Variants in GDA observed in about 807,000 individuals in gnomAD.
GDA encodes guanine deaminase.
GDA carries 18 observed loss-of-function variants against 59.6 expected under a neutral mutation model. The ratio of observed to expected loss-of-function variants is 0.30; its 90% CI spans 0.21 to 0.45. GDA has a LOEUF of 0.45. Among genes scored for constraint, GDA ranks in the 20% least tolerant of loss-of-function variants. The pLI is 1.00. For missense variants in GDA, 427 were observed against 552.3 expected, an observed-to-expected ratio of 0.77 and a Z score of 2.27; for synonymous variants, 201 against 201.1, an observed-to-expected ratio of 1.00 and a Z score of 0.00.
chr9:72,238,372 C>G (rs1165698008), intron 10 of GDA, among the ~76,000 whole-genome samples: 1 of 152,128 alleles, frequency 6.6e-6, no homozygotes, highest in East Asian at 1.9e-4. Context: ...AAAATGGGCC[C>G]TTCATCTCCA....
intron 2 of GDA, among the ~76,000 whole-genome samples, chr9:72,197,903 A>G (rs1023320054): frequency 6.6e-6 from 1 of 152,124 alleles, no homozygotes; most frequent in African/African-American, 2.4e-5. Flanking sequence ...AAGGGAAATC[A>G]CAACTGGAGT....
At chr9:72,204,860 C>G (rs1834471877) in intron 3 of GDA, among the ~76,000 whole-genome samples, 1 of 152,068 alleles carries the variant, frequency 6.6e-6, no homozygotes, top group Non-Finnish European at 1.5e-5. Flanking sequence ...GCCTGTAATC[C>G]TAGCACTTTG....
In GDA at chr9:72,248,630, C is replaced by T. The variant is rs529200517; in HGVS notation, c.*288C>T. The stretch of plus-strand genomic sequence containing the variant: ...AATGCTATTACTGGTGGTGTTCCTA[C>T]GGTAAGACTTAAGCAAAGCCTTTTT... On this transcript the variant is annotated 3_prime_UTR_variant, in exon 14 of 14. Transcript: ENST00000358399. 1.8e-4 allele frequency: 209 copies of T among 1,150,576 alleles called. No individual in the cohort carries two copies. The highest frequency in any genetic ancestry group is 2.6e-4 in the Admixed American group (6 of 23,288). The allele number at this position is 1,150,576 out of a possible 1,614,324, so 71.3% of individuals were successfully genotyped here.
intron 1 of GDA, among the ~76,000 whole-genome samples, chr9:72,121,746 T>G (rs917607617): frequency 6.6e-6 from 1 of 152,234 alleles, no homozygotes; most frequent in Non-Finnish European, 1.5e-5. Context: ...CTATCTCCAC[T>G]GTACTTTGCA....
chr9:72,118,273 C>CAAAA lies in GDA; in HGVS notation c.-100+3461_-100+3464dup, dbSNP rs373179585. On this transcript the variant is annotated intron_variant, in intron 1 of 13. Coordinates refer to the GDA transcript ENST00000545168. The stretch of plus-strand genomic sequence containing the variant: ...GGCGACAGAGCAAGAGACTCCACCT[C>CAAAA]AAAAAAAAAAAAAAAAAAAAAAAAG... 6.8e-3 allele frequency among the ~76,000 whole-genome samples: 448 copies of CAAAA among 65,774 alleles called. 25 individuals are homozygous for CAAAA. The highest frequency in any genetic ancestry group is 0.02 in the African/African-American group (299 of 14,728). 43.2% of individuals were successfully genotyped at this position (65,774 alleles called of 152,430 possible). A position where few individuals can be genotyped will look rare whatever the true frequency, so the allele number is the denominator to read the frequency against.
chr9:72,214,831 T>TTCTCCTGCCTC (rs1835896719), intron 5 of GDA: 1 of 233,278 alleles, frequency 4.3e-6, no homozygotes, highest in Non-Finnish European at 8.6e-6. Context: ...CCTCCTGTGT[T>TTCTCCTGCCTC]CAAGAGATTC....
chr9:72,144,555 C>A (rs1826554339), upstream of GDA, among the ~76,000 whole-genome samples: 1 of 152,032 alleles, frequency 6.6e-6, no homozygotes, highest in Non-Finnish European at 1.5e-5. Flanking sequence ...ATATAGATGT[C>A]CAATAAATAT....
At chr9:72,236,777 T>G (rs1176348551) in intron 10 of GDA, among the ~76,000 whole-genome samples, 2 of 11,322 alleles carry the variant, frequency 1.8e-4, no homozygotes, top group Non-Finnish European at 5.3e-4. Flanking sequence ...ACCACTCCTA[T>G]TTTTTTTTTT....
chr9:72,158,359 C>T (rs562247524), intron 1 of GDA, among the ~76,000 whole-genome samples: 1 of 152,040 alleles, frequency 6.6e-6, no homozygotes, highest in East Asian at 1.9e-4. Context: ...TTTGGGAGGC[C>T]GAGGTGGGCT....
At chr9:72,122,694 A>C (rs1825705398) in intron 1 of GDA, among the ~76,000 whole-genome samples, 1 of 152,066 alleles carries the variant, frequency 6.6e-6, no homozygotes, top group African/African-American at 2.4e-5. Context: ...AAGAGTTTAT[A>C]ATGGGATCAA....
intron 1 of GDA, among the ~76,000 whole-genome samples, chr9:72,180,694 G>A (rs552906198): frequency 1.8e-4 from 28 of 152,270 alleles, no homozygotes; most frequent in Admixed American, 8.5e-4. Flanking sequence ...TCCGAGCTTG[G>A]TGTTAATTTT....
intron 5 of GDA, among the ~76,000 whole-genome samples, chr9:72,216,652 T>G (rs1836161514): frequency 6.6e-6 from 1 of 151,914 alleles, no homozygotes; most frequent in East Asian, 1.9e-4. Flanking sequence ...CACCAGCGAT[T>G]GCCTGGGGCT....
At chr9:72,167,718 C>T (rs565172390) in intron 1 of GDA, among the ~76,000 whole-genome samples, 41 of 152,312 alleles carry the variant, frequency 2.7e-4, no homozygotes, top group Non-Finnish European at 4.9e-4. Flanking sequence ...TGTTCAAGAG[C>T]AGCACATTGG....
At chr9:72,195,286 A>G (rs1197662342) in intron 1 of GDA, among the ~76,000 whole-genome samples, 1 of 151,196 alleles carries the variant, frequency 6.6e-6, no homozygotes, top group African/African-American at 2.4e-5. Context: ...ATGGCAGAAA[A>G]GGAGGAATCA....
intron 1 of GDA, among the ~76,000 whole-genome samples, chr9:72,153,146 G>C (rs1049583532): frequency 5.9e-5 from 9 of 151,892 alleles, no homozygotes; most frequent in East Asian, 1.9e-4. Flanking sequence ...TTCCATTGAT[G>C]TATATCTCTG....
chr9:72,121,551 C>T (rs930881419), intron 1 of GDA, among the ~76,000 whole-genome samples: 1 of 152,116 alleles, frequency 6.6e-6, no homozygotes, highest in Non-Finnish European at 1.5e-5. Flanking sequence ...GAGCTGAGAT[C>T]GCGCCATTGC....
chr9:72,168,390 C>CTTTT (rs77778231), intron 1 of GDA, among the ~76,000 whole-genome samples: 14 of 105,898 alleles, frequency 1.3e-4, no homozygotes, highest in South Asian at 3.4e-4. Context: ...GAGACTTTGT[C>CTTTT]TTTTTTTTTT....
intron 13 of GDA, among the ~76,000 whole-genome samples, chr9:72,247,767 T>C (rs1400184757): frequency 6.6e-6 from 1 of 152,202 alleles, no homozygotes; most frequent in African/African-American, 2.4e-5. Context: ...AAATGTATAG[T>C]AGAGTCTCAC....
At chr9:72,116,122 T>C (rs1825429806) in intron 1 of GDA, among the ~76,000 whole-genome samples, 3 of 151,782 alleles carry the variant, frequency 2.0e-5, no homozygotes, top group Admixed American at 1.3e-4. Context: ...TAATCCCAGC[T>C]ACTCGGGAGG....
Sources: allele counts gnomAD v4.1 joint callset (sites outside exome capture counted in the v4.1 genomes callset), GRCh38; gene constraint gnomAD v4.1.1; transcripts MANE v1.5; gene names NCBI Gene and HGNC (gene_info 2026-07-23, HGNC 2026-07-21).